The following DIP2C variants were observed in gnomAD, a reference collection of about 807,000 sequenced individuals.
DIP2C encodes the protein DIP2 acetate--CoA ligase C (putative).
A neutral mutation model predicts 192.4 loss-of-function variants in DIP2C; 33 were observed. That is an observed-to-expected ratio of 0.17 (90% CI 0.13 to 0.23). The LOEUF (loss-of-function observed/expected upper bound fraction) is 0.23. Ranked by LOEUF, DIP2C falls within the 10% of genes least tolerant of loss-of-function variation. The pLI is 1.00. For missense variants in DIP2C, 1,537 were observed against 2,110.1 expected (o/e 0.73, Z 5.32); for synonymous variants, 979 against 864.1 (o/e 1.13, Z -2.33).
chr10:405,008 G>A (rs949961654), intron 9 of DIP2C, among the ~76,000 whole-genome samples: 4 of 152,080 alleles, frequency 2.6e-5, no homozygotes, highest in Non-Finnish European at 5.9e-5. Context: ...CCCCTAAGGC[G>A]GACCAAAAAA....
chr10:598,798 C>A, intron 1 of DIP2C, among the ~76,000 whole-genome samples: 1 of 152,162 alleles, frequency 6.6e-6, no homozygotes, highest in East Asian at 1.9e-4. Flanking sequence ...AGCAGAAGGC[C>A]TGGCCCCAGC....
chr10:382,018 A>AAAACCCC (rs1479282920), intron 17 of DIP2C, among the ~76,000 whole-genome samples: 3 of 152,220 alleles, frequency 2.0e-5, no homozygotes, highest in Non-Finnish European at 4.4e-5. Context: ...AAATGAAAAC[A>AAAACCCC]AAACCCCAAA....
At chr10:296,373 A>G (rs1236193312) in intron 32 of DIP2C, among the ~76,000 whole-genome samples, 1 of 152,142 alleles carries the variant, frequency 6.6e-6, no homozygotes, top group African/African-American at 2.4e-5. Context: ...GCAATCATTA[A>G]AAAGTCAGGA....
chr10:485,381 G>GC (rs1441903649), intron 2 of DIP2C, among the ~76,000 whole-genome samples: 2 of 152,148 alleles, frequency 1.3e-5, no homozygotes, highest in East Asian at 3.9e-4. Flanking sequence ...GAAGCCTCTC[G>GC]CCCCAGCATT....
intron 1 of DIP2C, among the ~76,000 whole-genome samples, chr10:488,641 C>CCTGTT (rs1844194918): frequency 6.6e-6 from 1 of 152,176 alleles, no homozygotes; most frequent in Non-Finnish European, 1.5e-5. Context: ...CTGGGAAGTG[C>CCTGTT]CCTTCTCCGA....
intron 32 of DIP2C, among the ~76,000 whole-genome samples, chr10:295,214 T>C (rs1263840705): frequency 6.6e-6 from 1 of 152,108 alleles, no homozygotes; most frequent in East Asian, 1.9e-4. Context: ...TACTTATTGT[T>C]ACTAGGGAGG....
In DIP2C at chr10:486,379, C is replaced by A. The variant is rs766273850; in HGVS notation, c.157+80G>T. On this transcript the variant is annotated intron_variant, in intron 2 of 36. Transcript: ENST00000280886. ...TCCTGCCGACTGGGAAGCAAGGGAGCGTCTGCCTCCAGATGTTTCTCTGGC... is the reference window on the plus strand; with the variant it reads ...TCCTGCCGACTGGGAAGCAAGGGAGAGTCTGCCTCCAGATGTTTCTCTGGC... 1.3e-5 allele frequency: 17 copies of A among 1,330,764 alleles called. No homozygotes were observed. In the Middle Eastern group the frequency reaches 6.9e-4, roughly 54 times the overall value. The allele number at this position is 1,330,764 out of a possible 1,614,324, so 82.4% of individuals were successfully genotyped here.
chr10:462,244 T>C (rs949091796), intron 3 of DIP2C, among the ~76,000 whole-genome samples: 1 of 152,106 alleles, frequency 6.6e-6, no homozygotes, highest in Non-Finnish European at 1.5e-5. Flanking sequence ...ATCCAGGAGC[T>C]GGTTTTTGGA....
chr10:280,505 G>A (rs1209469656), intron 36 of DIP2C, among the ~76,000 whole-genome samples: 2 of 152,138 alleles, frequency 1.3e-5, no homozygotes, highest in East Asian at 1.9e-4. Flanking sequence ...AAAACTCCCC[G>A]GCCCTGGCCG....
intron 26 of DIP2C, 195 bp from the exon 27 acceptor site, chr10:345,305 T>C (rs962273914): frequency 2.3e-5 from 16 of 690,684 alleles, no homozygotes; most frequent in African/African-American, 3.5e-5. Context: ...GGGCAGGGCA[T>C]GCGGCCTGAA....
At chr10:571,301 A>G (rs1234585681) in intron 1 of DIP2C, among the ~76,000 whole-genome samples, 1 of 152,082 alleles carries the variant, frequency 6.6e-6, no homozygotes, top group Non-Finnish European at 1.5e-5. Flanking sequence ...AGCCCCACTG[A>G]GGGCCAATCA....
intron 1 of DIP2C, among the ~76,000 whole-genome samples, chr10:678,848 A>G (rs370142047): frequency 1.9e-3 from 18 of 9,358 alleles, no homozygotes; most frequent in East Asian, 6.3e-3. Flanking sequence ...TGCTCCCCGC[A>G]CCCATCTCTG....
chr10:453,292 G>A (rs1403062484), intron 3 of DIP2C, among the ~76,000 whole-genome samples: 10 of 152,174 alleles, frequency 6.6e-5, no homozygotes, highest in African/African-American at 2.2e-4. Flanking sequence ...ATGAGAGGCC[G>A]TGGAATGGAA....
rs1966310608 is a variant in DIP2C at position 423,013 on chromosome 10, C to A, written c.415G>T (p.Asp139Tyr). ...TPPDTSSGSEDEGSVQGDSQG... is the reference protein window; with the variant it reads ...TPPDTSSGSEYEGSVQGDSQG... ...GAGTCCCCCTGCACTGAGCCTTCAT[C>A]TTCTGAGCCAGAAGAGGTATCTGTG... The change falls in exon 5 of 37, where the codon GAT (aspartate) becomes TAT (tyrosine). Residue 139 changes from aspartate (D) to tyrosine (Y), a missense_variant. Physicochemically the swap from Asp to Tyr is radical, Grantham distance 160. This residue lies in a region of DIP2C where 473 missense variants were observed against 539.6 expected (regional missense o/e 0.88). Transcript: ENST00000280886. 2 of 1,611,178 alleles carry A rather than the reference C, an allele frequency of 1.2e-6. No homozygotes were observed. The highest frequency in any genetic ancestry group is 2.2e-5 in the East Asian group (1 of 44,822).
intron 1 of DIP2C, among the ~76,000 whole-genome samples, chr10:590,842 C>T (rs1211084862): frequency 1.3e-5 from 2 of 152,168 alleles, no homozygotes; most frequent in African/African-American, 4.8e-5. Context: ...CCAGAGCCTG[C>T]GAGGTGAAGG....
intron 9 of DIP2C, among the ~76,000 whole-genome samples, chr10:407,193 G>GT (rs1420883626): frequency 6.6e-6 from 1 of 152,226 alleles, no homozygotes; most frequent in Admixed American, 6.5e-5. Flanking sequence ...AAGGTGAACT[G>GT]TTGGGTAGTT....
intron 24 of DIP2C, among the ~76,000 whole-genome samples, chr10:349,860 T>C (rs534059904): frequency 3.0e-4 from 45 of 152,212 alleles, no homozygotes; most frequent in African/African-American, 1.1e-3. Context: ...AATTAAAAAA[T>C]TTTATTTAGA....
chr10:685,012 T>C (rs1831258329), intron 1 of DIP2C, among the ~76,000 whole-genome samples: 2 of 151,242 alleles, frequency 1.3e-5, no homozygotes, highest in South Asian at 4.2e-4. Context: ...CGGGCACCTG[T>C]AGTCCCAGCT....
chr10:484,844 C>T, intron 2 of DIP2C: 2 of 1,611,676 alleles, frequency 1.2e-6, no homozygotes, highest in Non-Finnish European at 1.7e-6. Context: ...CGAGCCGCAG[C>T]TTCTCGGACG....
Sources: gnomAD v4.1 joint callset for allele counts (sites outside exome capture counted in the v4.1 genomes callset) on GRCh38, gnomAD v4.1.1 for gene constraint, gnomAD v4.1.1 regional missense constraint, MANE v1.5 for transcripts, NCBI Gene and HGNC (gene_info 2026-07-23, HGNC 2026-07-21) for gene names.